The following RREB1 variants were observed in gnomAD, a reference collection of about 807,000 sequenced individuals.
RREB1 encodes the protein ras responsive element binding protein 1, also known as ras-responsive element-binding protein 1.
A neutral mutation model predicts 117.8 loss-of-function variants in RREB1; 27 were observed. The ratio of observed to expected loss-of-function variants is 0.23; its 90% CI spans 0.17 to 0.32. The LOEUF (loss-of-function observed/expected upper bound fraction) is 0.32. Among genes scored for constraint, RREB1 ranks in the 10% least tolerant of loss-of-function variants. The pLI is 1.00. For missense variants in RREB1, 2,577 were observed against 2,378.2 expected (o/e 1.08, Z -1.74); for synonymous variants, 1,298 against 1,026.7 (o/e 1.26, Z -5.05).
chr6:7,169,781 C>A (rs1173855096), intron 1 of RREB1, among the ~76,000 whole-genome samples: 1 of 152,142 alleles, frequency 6.6e-6, no homozygotes, highest in Non-Finnish European at 1.5e-5. Flanking sequence ...CAGAGCCTTG[C>A]AGAGAGGTGC....
At chr6:7,218,129 G>C (rs1767017407) in intron 8 of RREB1, 1 of 152,228 alleles carries the variant, frequency 6.6e-6, no homozygotes, top group African/African-American at 2.4e-5. Context: ...GAACCCTAGG[G>C]TTCTAAGGAA....
Position 7,246,505 on chromosome 6 carries a change from A to C in RREB1, c.4055A>C (p.Glu1352Ala). ...LTSRDREQPSEGATELRQVAG... is the reference protein window; with the variant it reads ...LTSRDREQPSAGATELRQVAG... ...TCACGGGACAGAGAGCAGCCGTCGG[A>C]GGGCGCCACTGAGCTCCGCCAGGTC... Residue 1352 changes from glutamate to alanine, a missense_variant, in exon 12 of 13, where the codon GAG becomes GCG. By Grantham distance (107) the Glu-to-Ala change is moderately radical. Coordinates refer to ENST00000379938, the MANE Select transcript of RREB1 (RefSeq NM_001003699.4). 1 of 1,545,250 alleles carries C rather than the reference A, an allele frequency of 6.5e-7. No individual in the cohort carries two copies. The highest frequency in any genetic ancestry group is 8.7e-7 in the Non-Finnish European group (1 of 1,144,966).
intron 6 of RREB1, among the ~76,000 whole-genome samples, chr6:7,190,019 T>C (rs1765319774): frequency 6.6e-6 from 1 of 152,218 alleles, no homozygotes; most frequent in Non-Finnish European, 1.5e-5. Flanking sequence ...TTGAGTCACA[T>C]TTGTTACATG....
intron 3 of RREB1, chr6:7,181,649 A>G (rs1581501082): frequency 3.3e-6 from 2 of 601,224 alleles, no homozygotes; most frequent in East Asian, 2.8e-5. Flanking sequence ...GGTAGTGCAC[A>G]CTCAGAAAGG....
At chr6:7,131,419 CATT>C (rs1175704006) in intron 1 of RREB1, among the ~76,000 whole-genome samples, 1 of 152,166 alleles carries the variant, frequency 6.6e-6, no homozygotes, top group Admixed American at 6.5e-5. Flanking sequence ...GTACAGGAGG[CATT>C]ATACCTCTTG....
In RREB1 at chr6:7,227,884, A is replaced by C. The variant is rs1767679204; in HGVS notation, c.898-1113A>C. 2.0e-5 allele frequency among the ~76,000 whole-genome samples: 3 copies of C among 152,166 alleles called. No homozygotes were observed. The South Asian group carries it at 6.2e-4, about 31-fold the overall frequency. On this transcript the variant is annotated intron_variant, in intron 9 of 12. Transcript: ENST00000379938. ...AGTTCAAGACCAGCCTGGCCAACAC[A>C]GTGAAACCCCGTCTCTACTAAAAGT...
intron 8 of RREB1, chr6:7,214,163 G>A (rs1002952728): frequency 6.6e-6 from 1 of 152,408 alleles, no homozygotes; most frequent in African/African-American, 2.4e-5. Context: ...AGGATTTGGT[G>A]GGTGATTAAT....
At chr6:7,242,347 G>T (rs1768758894) in intron 11 of RREB1, among the ~76,000 whole-genome samples, 1 of 152,132 alleles carries the variant, frequency 6.6e-6, no homozygotes, top group Admixed American at 6.5e-5. Context: ...CATAGGTTTT[G>T]TTGTCCAAAT....
Position 7,231,529 on chromosome 6 carries a change from C to G in RREB1, c.3430C>G (p.Gln1144Glu). 6.2e-7 allele frequency: 1 copy of G among 1,608,806 alleles called. No individual in the cohort carries two copies. Among genetic ancestry groups the G allele is most frequent in the East Asian group, 2.2e-5 (1 of 44,662 alleles). The change falls in exon 10 of 13, where the codon CAG (glutamine) becomes GAG (glutamate). Residue 1144 changes from glutamine (Q) to glutamate (E), a missense_variant. Gln to Glu is a conservative substitution (Grantham distance 29, BLOSUM62 2). Transcript: ENST00000379938. ...SSPEAASPTE[Q>E]GPAGTSKKRG... Reference sequence around the variant, plus strand: ...CCCAGAGGCTGCCTCTCCCACCGAGCAGGGCCCAGCGGGCACGTCGAAGAA... The same window carrying G: ...CCCAGAGGCTGCCTCTCCCACCGAGGAGGGCCCAGCGGGCACGTCGAAGAA...
At chr6:7,208,513 G>A (rs577529105) in intron 6 of RREB1, among the ~76,000 whole-genome samples, 2 of 152,062 alleles carry the variant, frequency 1.3e-5, no homozygotes, top group Non-Finnish European at 2.9e-5. Context: ...CCCGGTAGCT[G>A]GGGATTTCAC....
In RREB1 at chr6:7,192,940, G is replaced by A. The variant is rs563813053; in HGVS notation, c.425+3618G>A. ...TTTATAGCTATCCATTTTCGTATAA[G>A]CATTGCTTTAGTTGTTTCCCATAAG... On this transcript the variant is annotated intron_variant, in intron 6 of 12. Coordinates refer to ENST00000379938, the MANE Select transcript of RREB1 (RefSeq NM_001003699.4). 1.1e-3 allele frequency among the ~76,000 whole-genome samples: 169 copies of A among 152,194 alleles called. 2 individuals are homozygous for A. Among genetic ancestry groups the A allele is most frequent in the South Asian group, 7.5e-3 (36 of 4,824 alleles).
intron 6 of RREB1, among the ~76,000 whole-genome samples, chr6:7,201,108 AT>A (rs900728406): frequency 2.6e-5 from 4 of 152,274 alleles, no homozygotes; most frequent in Admixed American, 2.6e-4. Flanking sequence ...TGGGGGTAGG[AT>A]GACTAGCAGA....
At chr6:7,203,738 G>A (rs150217096) in intron 6 of RREB1, among the ~76,000 whole-genome samples, 1 of 152,352 alleles carries the variant, frequency 6.6e-6, no homozygotes, top group East Asian at 1.9e-4. Context: ...CCATGCTACA[G>A]TCAACAGATG....
chr6:7,130,216 T>A (rs1185849924), intron 1 of RREB1, among the ~76,000 whole-genome samples: 1 of 152,216 alleles, frequency 6.6e-6, no homozygotes, highest in Non-Finnish European at 1.5e-5. Flanking sequence ...CTCCAAATCA[T>A]TTTTATCCTC....
chr6:7,173,805 G>A (rs1004464479), intron 1 of RREB1, among the ~76,000 whole-genome samples: 20 of 151,704 alleles, frequency 1.3e-4, no homozygotes, highest in African/African-American at 4.8e-4. Flanking sequence ...GGGAAAGAAA[G>A]AAAAAAAAGG....
intron 11 of RREB1, among the ~76,000 whole-genome samples, chr6:7,242,644 C>T (rs1028353456): frequency 6.7e-6 from 1 of 150,164 alleles, no homozygotes; most frequent in South Asian, 2.1e-4. Context: ...TTCTGGGTTC[C>T]CCCCCCCCAG....
intron 6 of RREB1, among the ~76,000 whole-genome samples, chr6:7,191,116 A>G (rs1162008042): frequency 6.6e-6 from 1 of 152,254 alleles, no homozygotes; most frequent in Non-Finnish European, 1.5e-5. Flanking sequence ...TGTCTTCTAC[A>G]ATAACCTGTG....
chr6:7,113,582 G>T (rs1056348964), intron 1 of RREB1, among the ~76,000 whole-genome samples: 3 of 152,076 alleles, frequency 2.0e-5, no homozygotes, highest in Non-Finnish European at 4.4e-5. Context: ...GGTCCACCCG[G>T]GGGCTGTTAA....
chr6:7,153,083 A>G (rs940728607), intron 1 of RREB1, among the ~76,000 whole-genome samples: 2 of 140,822 alleles, frequency 1.4e-5, no homozygotes, highest in Non-Finnish European at 3.0e-5. Context: ...ACAGTGAAGG[A>G]GGTATTAATC....
Sources: allele counts gnomAD v4.1 joint callset (sites outside exome capture counted in the v4.1 genomes callset), GRCh38; gene constraint gnomAD v4.1.1; transcripts MANE v1.5; gene names NCBI Gene and HGNC (gene_info 2026-07-23, HGNC 2026-07-21).